Variants in EFHC2 observed in about 807,000 individuals in gnomAD.
The protein encoded by EFHC2 is EF-hand domain containing 2, also known as EF-hand domain-containing family member C2.
In EFHC2, 18 loss-of-function variants were observed where a neutral mutation model predicts 52.7. The ratio of observed to expected loss-of-function variants is 0.34; its 90% CI spans 0.24 to 0.51. EFHC2 has a LOEUF of 0.51. EFHC2 is among the 20% of genes least tolerant of loss of function. EFHC2 has a pLI of 0.97. For missense variants in EFHC2, 513 were observed against 562.5 expected (o/e 0.91, Z 0.89); for synonymous variants, 203 against 204.1 (o/e 0.99, Z 0.04).
At chrX:44,154,492 G>T in intron 14 of EFHC2, among the ~76,000 whole-genome samples, 1 of 109,846 alleles carries the variant, frequency 9.1e-6, no homozygotes, top group South Asian at 4.0e-4. Context: ...CTTAAAGCCA[G>T]GACTTCTGAA....
At chrX:44,152,756 A>AC (rs55940422) in intron 14 of EFHC2, among the ~76,000 whole-genome samples, 161 of 109,336 alleles carry the variant, frequency 1.5e-3, no homozygotes, top group African/African-American at 5.1e-3. Context: ...ACACACACAC[A>AC]AAACAATATA....
chrX:44,209,620 G>A (rs188040855), intron 11 of EFHC2, among the ~76,000 whole-genome samples: 29 of 109,467 alleles, frequency 2.6e-4, no homozygotes, highest in South Asian at 4.0e-4. Context: ...CACGAGATGT[G>A]CAAGAACTAT....
At chrX:44,221,870 T>C (rs1374189605) in intron 11 of EFHC2, among the ~76,000 whole-genome samples, 1 of 112,040 alleles carries the variant, frequency 8.9e-6, no homozygotes, top group African/African-American at 3.2e-5. Flanking sequence ...GCAAATAGTA[T>C]TCCCCTTTTC....
chrX:44,248,160 A>T (rs902048026), intron 7 of EFHC2, 112 bp downstream of exon 7: 3 of 639,571 alleles, frequency 4.7e-6, no homozygotes, highest in Non-Finnish European at 6.9e-6. Context: ...CAAATGCACA[A>T]TAAGTGGTAG....
chrX:44,331,078 C>CATACATG (rs2038083723), intron 1 of EFHC2, among the ~76,000 whole-genome samples: 1 of 112,227 alleles, frequency 8.9e-6, no homozygotes, highest in African/African-American at 3.2e-5. Flanking sequence ...AAAACCTGTA[C>CATACATG]ATACATGTTC....
At chrX:44,304,710 G>GT (rs746250378) in intron 2 of EFHC2, among the ~76,000 whole-genome samples, 11 of 110,671 alleles carry the variant, frequency 9.9e-5, no homozygotes, top group Middle Eastern at 4.6e-3. Context: ...TCTTTGAAGG[G>GT]TGGGTGCAGT....
At position 44,155,947 on chromosome X, in the gene EFHC2, C is replaced by T. The variant is rs758430034; in HGVS notation, c.2149-7051G>A. 1.2e-4 allele frequency among the ~76,000 whole-genome samples: 13 copies of T among 112,620 alleles called. No homozygotes were observed. In the South Asian group the frequency reaches 4.7e-3, roughly 41 times the overall value. On this transcript the variant is annotated intron_variant, in intron 14 of 14. Transcript: ENST00000420999. ...CAGAAGATTAGCTTATATTTCTATA[C>T]ATTTCTGACTTTACAGCAATGCCAA...
At chrX:44,192,395 G>A (rs1262744445) in intron 11 of EFHC2, among the ~76,000 whole-genome samples, 1 of 111,311 alleles carries the variant, frequency 9.0e-6, no homozygotes. Context: ...TGGTTCTGCT[G>A]GTGATGGTGG....
At chrX:44,317,165 A>G (rs1164697372) in intron 1 of EFHC2, among the ~76,000 whole-genome samples, 1 of 111,800 alleles carries the variant, frequency 8.9e-6, no homozygotes, top group African/African-American at 3.3e-5. Flanking sequence ...ATTGGGTAGA[A>G]TGAGTAGGGA....
chrX:44,222,883 ATT>A (rs1366094647), intron 11 of EFHC2, among the ~76,000 whole-genome samples: 1 of 111,637 alleles, frequency 9.0e-6, no homozygotes, highest in Non-Finnish European at 1.9e-5. Context: ...TCACATGCTT[ATT>A]TTTTTGTGGT....
intron 14 of EFHC2, among the ~76,000 whole-genome samples, chrX:44,160,576 T>C (rs1434007386): frequency 9.0e-6 from 1 of 111,651 alleles, no homozygotes; most frequent in Non-Finnish European, 1.9e-5. Flanking sequence ...TAGTAAAATA[T>C]GTTTTCAGAG....
intron 2 of EFHC2, among the ~76,000 whole-genome samples, chrX:44,281,009 T>G (rs1193490315): frequency 9.0e-6 from 1 of 111,244 alleles, no homozygotes; most frequent in Non-Finnish European, 1.9e-5. Flanking sequence ...AACCTCTGCC[T>G]CCCGGGTTCA....
At chrX:44,306,047 A>G (rs1237758851) in intron 2 of EFHC2, among the ~76,000 whole-genome samples, 1 of 111,407 alleles carries the variant, frequency 9.0e-6, no homozygotes, top group South Asian at 3.8e-4. Context: ...GGCAGGATCC[A>G]GGAACCAAAG....
In EFHC2 at chrX:44,167,637, C is replaced by T. The variant is rs188614692; in HGVS notation, c.2043-3610G>A. Among the ~76,000 whole-genome samples, 26 of 112,193 alleles carry T rather than the reference C, an allele frequency of 2.3e-4. No homozygotes were observed. In the Admixed American group the frequency reaches 2.5e-3, roughly 11 times the overall value. ...AGTTTTTTGAGAAAAAATGCTTGAA[C>T]GAGTTCATCTTTCCAAAATCCCAGA... On this transcript the variant is annotated intron_variant, in intron 13 of 14. Transcript: ENST00000420999.
intron 14 of EFHC2, among the ~76,000 whole-genome samples, chrX:44,152,389 G>A (rs766515697): frequency 2.7e-5 from 3 of 111,850 alleles, no homozygotes; most frequent in Admixed American, 9.5e-5. Context: ...GCTCGTCTGC[G>A]GGGCTACCCT....
chrX:44,289,436 C>T (rs1313420684), intron 2 of EFHC2, among the ~76,000 whole-genome samples: 1 of 111,012 alleles, frequency 9.0e-6, no homozygotes, highest in African/African-American at 3.3e-5. Flanking sequence ...TTTTCTGAGT[C>T]ACATTTTCCC....
At chrX:44,271,402 G>A (rs1003123914) in intron 3 of EFHC2, among the ~76,000 whole-genome samples, 1 of 111,743 alleles carries the variant, frequency 8.9e-6, no homozygotes, top group African/African-American at 3.3e-5. Flanking sequence ...AGGGATGGTA[G>A]TTATGAGCAA....
At chrX:44,203,384 A>T (rs1043284624) in intron 11 of EFHC2, among the ~76,000 whole-genome samples, 3 of 111,113 alleles carry the variant, frequency 2.7e-5, no homozygotes, top group Admixed American at 9.5e-5. Flanking sequence ...GGACTGTGGG[A>T]ATAGGCTCTG....
At chrX:44,223,646 C>T (rs1419261515) in intron 11 of EFHC2, among the ~76,000 whole-genome samples, 1 of 111,789 alleles carries the variant, frequency 8.9e-6, no homozygotes, top group African/African-American at 3.3e-5. Flanking sequence ...ATTCTTTCTA[C>T]AACATCACAT....
Sources: gnomAD v4.1 joint callset for allele counts (sites outside exome capture counted in the v4.1 genomes callset) on GRCh38, gnomAD v4.1.1 for gene constraint, MANE v1.5 for transcripts, NCBI Gene and HGNC (gene_info 2026-07-23, HGNC 2026-07-21) for gene names.